IL1RAPL2: variants seen among roughly 807,000 people sequenced by gnomAD.
The protein encoded by IL1RAPL2 is X-linked interleukin-1 receptor accessory protein-like 2.
Under a neutral mutation model 44.1 loss-of-function variants are expected in IL1RAPL2, and 3 were observed. The observed-to-expected ratio is 0.07, with a 90% CI of 0.03 to 0.18. The LOEUF is 0.18. IL1RAPL2 is among the 10% of genes least tolerant of loss of function. IL1RAPL2 has a pLI of 1.00. For missense variants in IL1RAPL2, 391 were observed against 496.4 expected (o/e 0.79, Z 2.02); for synonymous variants, 181 against 178.8 (o/e 1.01, Z -0.10).
intron 6 of IL1RAPL2, among the ~76,000 whole-genome samples, chrX:105,537,532 A>G (rs1204938554): frequency 8.9e-6 from 1 of 111,762 alleles, no homozygotes; most frequent in East Asian, 2.8e-4. Flanking sequence ...ACCTTTGCTT[A>G]TATCTGATTA....
intron 2 of IL1RAPL2, among the ~76,000 whole-genome samples, chrX:105,076,950 A>G (rs2032315652): frequency 9.1e-6 from 1 of 110,435 alleles, no homozygotes; most frequent in Non-Finnish European, 1.9e-5. Context: ...TGCGTGTGAG[A>G]TGGGGTTCCT....
At chrX:105,042,870 C>T (rs1386750629) in intron 2 of IL1RAPL2, among the ~76,000 whole-genome samples, 9 of 107,718 alleles carry the variant, frequency 8.4e-5, no homozygotes, top group East Asian at 3.0e-4. Flanking sequence ...AAATGTGGCA[C>T]ATATACACCA....
intron 1 of IL1RAPL2, among the ~76,000 whole-genome samples, chrX:104,657,275 A>G (rs1236422273): frequency 2.7e-5 from 3 of 111,636 alleles, no homozygotes; most frequent in Non-Finnish European, 5.6e-5. Flanking sequence ...GAAAACAGAG[A>G]TATAGATCAA....
rs755521749 is a variant in IL1RAPL2 at position 105,696,614 on chromosome X, G to C, written c.773-20753G>C. 5.4e-5 allele frequency among the ~76,000 whole-genome samples: 6 copies of C among 111,851 alleles called. No homozygotes were observed. The East Asian group carries it at 1.7e-3, about 32-fold the overall frequency. The stretch of plus-strand genomic sequence containing the variant: ...GTCATGGTCCTGGCCAAATGGACTG[G>C]AGTTCAAATCCATCCATGAGGGAAT... On this transcript the variant is annotated intron_variant, in intron 6 of 10. Coordinates refer to ENST00000372582, the MANE Select transcript of IL1RAPL2 (RefSeq NM_017416.2).
intron 2 of IL1RAPL2, among the ~76,000 whole-genome samples, chrX:104,931,991 TA>T (rs1199731977): frequency 8.0e-4 from 25 of 31,251 alleles, no homozygotes; most frequent in African/African-American, 2.1e-3. Context: ...TATATATATA[TA>T]TATATTTTTT....
chrX:104,746,189 A>G (rs906087318), intron 2 of IL1RAPL2, among the ~76,000 whole-genome samples: 1 of 111,837 alleles, frequency 8.9e-6, no homozygotes, highest in Non-Finnish European at 1.9e-5. Context: ...ATATAGTAAT[A>G]GCTTACTTTT....
chrX:104,801,456 T>A (rs760825157), intron 2 of IL1RAPL2, among the ~76,000 whole-genome samples: 1 of 111,518 alleles, frequency 9.0e-6, no homozygotes, highest in African/African-American at 3.3e-5. Flanking sequence ...TTTTTTTTGT[T>A]TGTTTTGCTT....
intron 5 of IL1RAPL2, among the ~76,000 whole-genome samples, chrX:105,290,941 C>T (rs1214042847): frequency 9.0e-6 from 1 of 111,474 alleles, no homozygotes. Flanking sequence ...AAAAATGGGT[C>T]AAGTGCTGAG....
chrX:105,725,543 A>G, intron 7 of IL1RAPL2, among the ~76,000 whole-genome samples: 1 of 111,426 alleles, frequency 9.0e-6, no homozygotes, highest in Admixed American at 9.6e-5. Context: ...GAAAATTTTT[A>G]TTCTTAAAAT....
At chrX:105,307,663 A>C (rs1303402403) in intron 5 of IL1RAPL2, among the ~76,000 whole-genome samples, 1 of 70,966 alleles carries the variant, frequency 1.4e-5, no homozygotes, top group Non-Finnish European at 2.5e-5. Flanking sequence ...TCTATTATAT[A>C]TATTATATAC....
At chrX:105,690,813 T>C (rs1344376050) in intron 6 of IL1RAPL2, among the ~76,000 whole-genome samples, 1 of 111,969 alleles carries the variant, frequency 8.9e-6, no homozygotes, top group Non-Finnish European at 1.9e-5. Context: ...CAAAATATTA[T>C]ACCCTGTCTT....
intron 2 of IL1RAPL2, among the ~76,000 whole-genome samples, chrX:104,661,214 T>C (rs1435841330): frequency 1.8e-5 from 2 of 111,419 alleles, no homozygotes; most frequent in African/African-American, 6.5e-5. Flanking sequence ...CAGTCTCTGC[T>C]TCTCCTTCCC....
chrX:104,769,444 C>T (rs945649516), intron 2 of IL1RAPL2, among the ~76,000 whole-genome samples: 12 of 112,029 alleles, frequency 1.1e-4, no homozygotes, highest in Admixed American at 9.5e-4. Flanking sequence ...TGGGAAATTA[C>T]TAACATTACC....
At chrX:105,281,557 A>G (rs949120611) in intron 5 of IL1RAPL2, among the ~76,000 whole-genome samples, 3 of 112,191 alleles carry the variant, frequency 2.7e-5, no homozygotes, top group African/African-American at 9.7e-5. Context: ...ATAAGATTAT[A>G]ATACTGTATT....
intron 2 of IL1RAPL2, among the ~76,000 whole-genome samples, chrX:104,826,318 G>A (rs1207157163): frequency 9.0e-6 from 1 of 111,005 alleles, no homozygotes; most frequent in Non-Finnish European, 1.9e-5. Flanking sequence ...TTGTGTCTTT[G>A]TTCTCATTGG....
chrX:104,965,332 A>G (rs1253326140), intron 2 of IL1RAPL2, among the ~76,000 whole-genome samples: 2 of 112,011 alleles, frequency 1.8e-5, no homozygotes, highest in Non-Finnish European at 3.8e-5. Flanking sequence ...AAAATTGTGA[A>G]ATGTGAAAAT....
intron 6 of IL1RAPL2, among the ~76,000 whole-genome samples, chrX:105,505,470 A>G (rs1477110952): frequency 8.9e-6 from 1 of 111,982 alleles, no homozygotes; most frequent in Non-Finnish European, 1.9e-5. Flanking sequence ...GAAAGTTCAT[A>G]AGGTAAAAGT....
intron 3 of IL1RAPL2, among the ~76,000 whole-genome samples, chrX:105,218,078 G>A (rs141811673): frequency 9.0e-4 from 99 of 110,548 alleles, no homozygotes; most frequent in African/African-American, 3.1e-3. Context: ...AAACCTACAC[G>A]TTCTGCACAT....
chrX:105,705,446 G>C (rs1267855264), intron 6 of IL1RAPL2, among the ~76,000 whole-genome samples: 3 of 111,018 alleles, frequency 2.7e-5, no homozygotes, highest in Non-Finnish European at 3.8e-5. Context: ...GACTACAGAA[G>C]TAAATACAAG....
Sources: allele counts gnomAD v4.1 joint callset (sites outside exome capture counted in the v4.1 genomes callset), GRCh38; gene constraint gnomAD v4.1.1; transcripts MANE v1.5; gene names NCBI Gene and HGNC (gene_info 2026-07-23, HGNC 2026-07-21).